Variants in TPST1 observed in about 807,000 individuals in gnomAD.
The protein encoded by TPST1 is tyrosylprotein sulfotransferase 1.
In TPST1, 20 loss-of-function variants were observed where a neutral mutation model predicts 34.8. The ratio of observed to expected loss-of-function variants is 0.57; its 90% CI spans 0.40 to 0.84. The LOEUF (loss-of-function observed/expected upper bound fraction) is 0.84, where lower values mean the gene tolerates loss of function less well. Ranked by LOEUF, TPST1 falls within the 40% of genes least tolerant of loss-of-function variation. The pLI is 0.00. For missense variants in TPST1, 353 were observed against 455.5 expected (o/e 0.78, Z 2.05); for synonymous variants, 152 against 159.4 (o/e 0.95, Z 0.35).
rs189440063 is a variant in TPST1, at chr7:66,358,540, A to C, written c.*30-1355A>C. Among the ~76,000 whole-genome samples the C allele has an allele frequency of 4.6e-5, 7 of 152,220 alleles. No individual in the cohort carries two copies. In the South Asian group the frequency reaches 1.0e-3, roughly 23 times the overall value. On this transcript the variant is annotated intron_variant, in intron 5 of 5. Coordinates refer to ENST00000304842, the MANE Select transcript of TPST1 (RefSeq NM_003596.4). The stretch of plus-strand genomic sequence containing the variant: ...AAGCTGGTAGTATTCCTGTTTTGCT[A>C]GTGAGAAAACAGGTTGAATGTGACT...
intron 2 of TPST1, among the ~76,000 whole-genome samples, chr7:66,246,017 GTT>G (rs997540079): frequency 6.8e-6 from 1 of 146,304 alleles, no homozygotes. Flanking sequence ...GTCTTTTTTG[GTT>G]TTTTTTTTGG....
chr7:66,345,039 T>TA (rs1434282984), intron 3 of TPST1, among the ~76,000 whole-genome samples: 3 of 150,702 alleles, frequency 2.0e-5, no homozygotes, highest in Non-Finnish European at 3.0e-5. Flanking sequence ...TTTAAAAAAT[T>TA]AAAAAAAATA....
chr7:66,202,638 A>G (rs1449206802), upstream of TPST1, among the ~76,000 whole-genome samples: 1 of 152,124 alleles, frequency 6.6e-6, no homozygotes, highest in Admixed American at 6.6e-5. Context: ...GGCCATGGTG[A>G]GTCCTTTTCC....
intron 3 of TPST1, among the ~76,000 whole-genome samples, chr7:66,293,719 T>C (rs1041639519): frequency 7.9e-5 from 12 of 152,212 alleles, no homozygotes; most frequent in African/African-American, 2.7e-4. Context: ...TTACTTCTGA[T>C]TTCTTTCTTT....
At chr7:66,268,704 G>A (rs146455028) in intron 2 of TPST1, among the ~76,000 whole-genome samples, 122 of 151,604 alleles carry the variant, frequency 8.0e-4, no homozygotes, top group Middle Eastern at 3.4e-3. Flanking sequence ...AACTGTAAAC[G>A]ATTTTTTTTT....
chr7:66,358,864 A>G (rs1792634213), intron 5 of TPST1, among the ~76,000 whole-genome samples: 1 of 152,168 alleles, frequency 6.6e-6, no homozygotes, highest in Non-Finnish European at 1.5e-5. Context: ...GTGTTGTAGG[A>G]TGGACCGCAT....
chr7:66,339,155 G>T (rs1049462046), intron 3 of TPST1, among the ~76,000 whole-genome samples: 14 of 151,784 alleles, frequency 9.2e-5, no homozygotes, highest in African/African-American at 3.4e-4. Flanking sequence ...AAAACCAGAG[G>T]TGAAAAATGG....
At chr7:66,277,509 G>T (rs1396759991) in intron 2 of TPST1, among the ~76,000 whole-genome samples, 3 of 152,056 alleles carry the variant, frequency 2.0e-5, no homozygotes, top group African/African-American at 7.2e-5. Context: ...GTTGTCCATG[G>T]TGTTTTAGTT....
intron 3 of TPST1, among the ~76,000 whole-genome samples, chr7:66,341,904 G>C (rs1384430612): frequency 6.6e-6 from 1 of 152,134 alleles, no homozygotes; most frequent in Admixed American, 6.5e-5. Context: ...ACTAAAAATA[G>C]GAGAGCTGAA....
chr7:66,308,554 C>A (rs1210043047), intron 3 of TPST1, among the ~76,000 whole-genome samples: 1 of 152,172 alleles, frequency 6.6e-6, no homozygotes, highest in African/African-American at 2.4e-5. Flanking sequence ...ATTCTCTTTT[C>A]CTACTCTACC....
intron 1 of TPST1, among the ~76,000 whole-genome samples, chr7:66,226,164 G>C (rs1313744343): frequency 6.6e-6 from 1 of 152,160 alleles, no homozygotes; most frequent in Non-Finnish European, 1.5e-5. Flanking sequence ...TGGGATTACA[G>C]ACGTGAGCCA....
intron 3 of TPST1, among the ~76,000 whole-genome samples, chr7:66,330,204 G>A (rs1246328697): frequency 6.6e-6 from 1 of 152,114 alleles, no homozygotes; most frequent in East Asian, 1.9e-4. Context: ...TGGAATTAAG[G>A]AATTTTAGAT....
Position 66,346,184 on chromosome 7 carries a change from C to CAT in TPST1, c.1045-6303_1045-6302dup, listed in dbSNP as rs35882416. Among the ~76,000 whole-genome samples, 794 of 149,098 alleles carry CAT rather than the reference C, an allele frequency of 5.3e-3. 5 individuals carry two copies. The highest frequency in any genetic ancestry group is 0.024 in the Middle Eastern group (7 of 288). Reference sequence around the variant, plus strand: ...CATTCTTTTCTATGGCTGAATAGTACATATATATATATATATATAATATTT... The same window carrying CAT: ...CATTCTTTTCTATGGCTGAATAGTACATATATATATATATATATATAATATTT... On this transcript the variant is annotated intron_variant, in intron 3 of 5. Transcript: ENST00000304842.
chr7:66,324,826 A>G (rs955804506), intron 3 of TPST1, among the ~76,000 whole-genome samples: 65 of 143,292 alleles, frequency 4.5e-4, no homozygotes, highest in African/African-American at 1.2e-3. Flanking sequence ...AAAAAAAAAA[A>G]AAAACAAGAC....
chr7:66,294,695 T>C (rs1483634653), intron 3 of TPST1, among the ~76,000 whole-genome samples: 2 of 152,030 alleles, frequency 1.3e-5, no homozygotes. Context: ...ACCTGTAATG[T>C]TCCCACCTAG....
At chr7:66,203,240 AT>A (rs917047968), upstream of TPST1, among the ~76,000 whole-genome samples, 79 of 145,626 alleles carry the variant, frequency 5.4e-4, no homozygotes, top group South Asian at 6.5e-4. Context: ...TATAATTATT[AT>A]TTTTTTTTTT....
intron 4 of TPST1, among the ~76,000 whole-genome samples, chr7:66,355,455 A>C (rs1186060367): frequency 6.6e-6 from 1 of 151,848 alleles, no homozygotes; most frequent in African/African-American, 2.4e-5. Flanking sequence ...AGCCTGGGAA[A>C]GATTGCGAGA....
At chr7:66,234,744 T>C (rs1398610003) in intron 1 of TPST1, among the ~76,000 whole-genome samples, 4 of 152,184 alleles carry the variant, frequency 2.6e-5, no homozygotes, top group Non-Finnish European at 5.9e-5. Context: ...TGGCAGGATC[T>C]CAGCTCACTG....
intron 3 of TPST1, among the ~76,000 whole-genome samples, chr7:66,345,489 C>CAA (rs58837242): frequency 1.9e-3 from 121 of 64,834 alleles, no homozygotes; most frequent in African/African-American, 5.2e-3. Context: ...ACTCCATCTC[C>CAA]AAAAAAAAAA....
Sources: gnomAD v4.1 joint callset for allele counts (sites outside exome capture counted in the v4.1 genomes callset) on GRCh38, gnomAD v4.1.1 for gene constraint, MANE v1.5 for transcripts, NCBI Gene and HGNC (gene_info 2026-07-23, HGNC 2026-07-21) for gene names.